The following MEIS1 variants were observed in gnomAD, a reference collection of about 807,000 sequenced individuals.
The protein encoded by MEIS1 is Meis homeobox 1, also known as homeobox protein Meis1.
In MEIS1, 5 loss-of-function variants were observed where a neutral mutation model predicts 50.8. That is an observed-to-expected ratio of 0.10 (90% CI 0.05 to 0.21). MEIS1 has a LOEUF of 0.21. Ranked by LOEUF, MEIS1 falls within the 10% of genes least tolerant of loss-of-function variation. The pLI is 1.00. For synonymous variants in MEIS1, 176 were observed against 179.3 expected (o/e 0.98, Z 0.15); for missense variants, 318 against 517.3 (o/e 0.61, Z 3.74).
intron 7 of MEIS1, among the ~76,000 whole-genome samples, chr2:66,502,837 TC>T (rs1260600780): frequency 1.3e-5 from 2 of 152,170 alleles, no homozygotes; most frequent in Non-Finnish European, 2.9e-5. Flanking sequence ...AAACTCTTCT[TC>T]CCCCTTATTC....
intron 8 of MEIS1, among the ~76,000 whole-genome samples, chr2:66,542,533 T>C (rs950032189): frequency 6.6e-6 from 1 of 152,244 alleles, no homozygotes; most frequent in Non-Finnish European, 1.5e-5. Flanking sequence ...CCTATTCCCA[T>C]ACCTTTTAAA....
chr2:66,531,990 G>T (rs2103895935), intron 8 of MEIS1, among the ~76,000 whole-genome samples: 1 of 151,972 alleles, frequency 6.6e-6, no homozygotes, highest in African/African-American at 2.4e-5. Context: ...AGAATTTTGG[G>T]TGGACCAGAT....
intron 8 of MEIS1, among the ~76,000 whole-genome samples, chr2:66,534,772 A>C (rs1263966389): frequency 1.3e-5 from 2 of 152,220 alleles, no homozygotes; most frequent in Non-Finnish European, 2.9e-5. Flanking sequence ...AACACATTAC[A>C]TAAAGCAAAA....
At chr2:66,541,289 G>A (rs1341101689) in intron 8 of MEIS1, among the ~76,000 whole-genome samples, 2 of 151,900 alleles carry the variant, frequency 1.3e-5, no homozygotes, top group East Asian at 1.9e-4. Flanking sequence ...CTCCCGTCTC[G>A]GCCTCCCAAA....
chr2:66,547,511 G>A (rs977053140), intron 8 of MEIS1, among the ~76,000 whole-genome samples: 4 of 152,088 alleles, frequency 2.6e-5, no homozygotes, highest in South Asian at 4.1e-4. Flanking sequence ...GAGGGAGAAC[G>A]TCACTATGTG....
At chr2:66,550,111 T>C (rs1674884132) in intron 9 of MEIS1, among the ~76,000 whole-genome samples, 1 of 152,208 alleles carries the variant, frequency 6.6e-6, no homozygotes, top group East Asian at 1.9e-4. Context: ...ATGCAGACTT[T>C]ACCCTAAACT....
chr2:66,571,814 A>G lies in MEIS1; in HGVS notation c.*606A>G, dbSNP rs1231743364. ...ATAGATTTTTTAAAAAAAATGTGAA[A>G]TTTTTCCACACTATGTGTGTTGTTT... On this transcript the variant is annotated 3_prime_UTR_variant, in exon 13 of 13. Transcript: ENST00000272369. 5 of 359,090 alleles carry G rather than the reference A, an allele frequency of 1.4e-5. No individual in the cohort carries two copies. In the South Asian group the frequency reaches 1.6e-4, roughly 12 times the overall value. 22.2% of individuals were successfully genotyped at this position (359,090 alleles called of 1,614,324 possible).
At chr2:66,496,029 G>A (rs1244685461) in intron 7 of MEIS1, 2 of 152,412 alleles carry the variant, frequency 1.3e-5, no homozygotes, top group African/African-American at 2.4e-5. Context: ...TGGCAGCACA[G>A]GAGAGCAGTA....
intron 6 of MEIS1, among the ~76,000 whole-genome samples, chr2:66,451,208 C>T (rs931660981): frequency 1.3e-5 from 2 of 152,166 alleles, no homozygotes; most frequent in Admixed American, 6.5e-5. Context: ...AATATTAGCC[C>T]CTTTGTGTTC....
At position 66,508,963 on chromosome 2, in the gene MEIS1, A is replaced by G. The variant is rs1199480881; in HGVS notation, c.743-3186A>G. 6.4e-6 allele frequency: 3 copies of G among 466,608 alleles called. No individual in the cohort carries two copies. The Admixed American group carries it at 7.3e-5, about 11-fold the overall frequency. The allele number at this position is 466,608 out of a possible 1,614,324, so 28.9% of individuals were successfully genotyped here. On this transcript the variant is annotated intron_variant, in intron 7 of 12. Transcript: ENST00000272369. ...CTCCAGGAATGAAGTCACTGCTGAC[A>G]TTTTACAAATGTGGTTCAGAGCTGC...
At position 66,437,865 on chromosome 2, in the gene MEIS1, G is replaced by C. The variant is rs764741136; in HGVS notation, c.141G>C (p.Ser47=). ...TGAACCACGGGCCTCCTCTGCACTC[G>C]CATCAGTACCCGCACACAGCTCATA... ...HHLNHGPPLH[S]HQYPHTAHTN... Residue 47 remains serine (S), a synonymous_variant, in exon 2 of 13, where the codon TCG becomes TCC. Transcript: ENST00000272369. The C allele has an allele frequency of 3.7e-6, 6 of 1,613,046 alleles. No homozygotes were observed. Among genetic ancestry groups the C allele is most frequent in the South Asian group, 1.1e-5 (1 of 90,814 alleles).
chr2:66,497,747 TA>T (rs1016809794), intron 7 of MEIS1, among the ~76,000 whole-genome samples: 19 of 152,216 alleles, frequency 1.2e-4, no homozygotes, highest in African/African-American at 4.3e-4. Flanking sequence ...ATGAATAACA[TA>T]AAAAATTAAA....
chr2:66,457,638 C>A (rs1308718928), intron 6 of MEIS1, among the ~76,000 whole-genome samples: 1 of 152,196 alleles, frequency 6.6e-6, no homozygotes, highest in Non-Finnish European at 1.5e-5. Flanking sequence ...CCGAAAAACA[C>A]TGTTTAGACA....
chr2:66,506,918 C>G (rs868392686), intron 7 of MEIS1, among the ~76,000 whole-genome samples: 1 of 152,110 alleles, frequency 6.6e-6, no homozygotes, highest in Non-Finnish European at 1.5e-5. Context: ...GGAAACCCAG[C>G]CTTTCCATAT....
At chr2:66,452,314 G>A (rs934767506) in intron 6 of MEIS1, among the ~76,000 whole-genome samples, 1 of 151,790 alleles carries the variant, frequency 6.6e-6, no homozygotes, top group Non-Finnish European at 1.5e-5. Flanking sequence ...ACATATAAAT[G>A]TATTATTTAT....
intron 4 of MEIS1, 87 bp downstream of exon 4, chr2:66,440,699 A>G (rs932297511): frequency 9.8e-6 from 8 of 815,834 alleles, no homozygotes; most frequent in Non-Finnish European, 1.3e-5. Flanking sequence ...GAGAGCCCTG[A>G]GATTTCTAGA....
chr2:66,446,116 G>C (rs1287901772), intron 6 of MEIS1, among the ~76,000 whole-genome samples: 1 of 152,172 alleles, frequency 6.6e-6, no homozygotes, highest in African/African-American at 2.4e-5. Context: ...CCGGAGCAGA[G>C]GGAGAGGGGG....
chr2:66,543,641 C>G (rs575645359), intron 8 of MEIS1, among the ~76,000 whole-genome samples: 2 of 152,148 alleles, frequency 1.3e-5, no homozygotes, highest in Admixed American at 6.5e-5. Context: ...GGGAAACACT[C>G]GAGAAAGAAC....
chr2:66,518,510 A>G (rs1454925898), intron 8 of MEIS1, among the ~76,000 whole-genome samples: 1 of 152,358 alleles, frequency 6.6e-6, no homozygotes, highest in African/African-American at 2.4e-5. Context: ...ACTTTTTACA[A>G]TTTGTTAGGT....
Sources: gnomAD v4.1 joint callset for allele counts (sites outside exome capture counted in the v4.1 genomes callset) on GRCh38, gnomAD v4.1.1 for gene constraint, MANE v1.5 for transcripts, NCBI Gene and HGNC (gene_info 2026-07-23, HGNC 2026-07-21) for gene names.